CCDC57: variants seen among roughly 807,000 people sequenced by gnomAD.
CCDC57 encodes the protein coiled-coil domain containing 57, also known as coiled-coil domain-containing protein 57.
CCDC57 carries 118 observed loss-of-function variants against 118.9 expected under a neutral mutation model. That is an observed-to-expected ratio of 0.99 (90% CI 0.86 to 1.16). The LOEUF (loss-of-function observed/expected upper bound fraction) is 1.16, where lower values mean the gene tolerates loss of function less well. CCDC57 is among the 50% of genes most tolerant of loss of function. CCDC57 has a pLI of 0.00. For missense variants in CCDC57, 1,300 were observed against 1,320.7 expected (o/e 0.98, Z 0.24); for synonymous variants, 527 against 532.9 (o/e 0.99, Z 0.15).
chr17:82,205,111 C>A (rs1002228322), intron 2 of CCDC57, among the ~76,000 whole-genome samples: 1 of 151,688 alleles, frequency 6.6e-6, no homozygotes, highest in Non-Finnish European at 1.5e-5. Context: ...CCTGTGCACA[C>A]ACCTGTGCAC....
intron 1 of CCDC57, among the ~76,000 whole-genome samples, chr17:82,211,727 C>T (rs2050191402): frequency 6.6e-6 from 1 of 152,156 alleles, no homozygotes; most frequent in African/African-American, 2.4e-5. Context: ...TCTTCGCTTG[C>T]AGCCCCTTGT....
intron 11 of CCDC57, among the ~76,000 whole-genome samples, chr17:82,177,941 C>A (rs2045738278): frequency 1.3e-5 from 2 of 152,212 alleles, no homozygotes; most frequent in African/African-American, 4.8e-5. Context: ...GCCCTGCACC[C>A]CGCTTCCCTC....
intron 5 of CCDC57, 158 bp from the exon 5 acceptor site, chr17:82,194,297 G>A (rs1047018547): frequency 5.7e-6 from 4 of 697,756 alleles, no homozygotes; most frequent in Admixed American, 3.3e-5. Context: ...CAACTCAAAC[G>A]AGACTCAATG....
intron 18 of CCDC57, 91 bp downstream of exon 17, chr17:82,128,402 C>T: frequency 3.7e-6 from 3 of 815,264 alleles, no homozygotes; most frequent in Non-Finnish European, 3.9e-6. Flanking sequence ...AGAGCGAAGG[C>T]CCCTCCGAGA....
chr17:82,194,020 G>A lies in CCDC57; in HGVS notation c.738C>T (p.Ala246=), dbSNP rs752453992. The change falls in exon 6 of 20, where the codon GCC becomes GCT. Residue 246 remains alanine, a synonymous_variant. Coordinates refer to ENST00000665763, the Ensembl canonical transcript of CCDC57. Reference sequence around the variant, plus strand: ...TGGCCTCCAGGTCCTGGAGCTCCCCGGCTCGGCTCTGGAGCTTCCTCTCCA... The same window carrying A: ...TGGCCTCCAGGTCCTGGAGCTCCCCAGCTCGGCTCTGGAGCTTCCTCTCCA... 27 of 1,612,744 alleles carry A rather than the reference G, an allele frequency of 1.7e-5. No homozygotes were observed. In the East Asian group the frequency reaches 2.0e-4, roughly 12 times the overall value.
chr17:82,193,602 AAAG>A lies in CCDC57; in HGVS notation c.851+151_851+153del, dbSNP rs1183645829. ...AAGCAAGCAAGAAAGAAAGGAAGAA[AAAG>A]AAGGAGAAAGAAATCCAAAACAGCG... is the stretch of plus-strand genomic sequence containing the variant. On this transcript the variant is annotated intron_variant, in intron 7 of 19. Transcript: ENST00000665763. 1.8e-4 allele frequency among the ~76,000 whole-genome samples: 27 copies of A among 152,070 alleles called. No individual in the cohort carries two copies. In the East Asian group the frequency reaches 5.0e-3, roughly 28 times the overall value.
intron 7 of CCDC57, among the ~76,000 whole-genome samples, chr17:82,189,444 A>AC (rs1482023169): frequency 6.6e-6 from 1 of 152,204 alleles, no homozygotes; most frequent in East Asian, 1.9e-4. Flanking sequence ...TGGGACTGAG[A>AC]GAGTGAACAG....
At chr17:82,126,644 G>A (rs2037474833) in intron 19 of CCDC57, 26 of 985,296 alleles carry the variant, frequency 2.6e-5, no homozygotes, top group Non-Finnish European at 3.0e-5. Flanking sequence ...ACTGCTGCTG[G>A]GAGCAGCCTC....
chr17:82,195,337 T>C (rs1386271360), exon 5 of CCDC57: 11 of 1,598,810 alleles, frequency 6.9e-6, no homozygotes, highest in Non-Finnish European at 8.5e-6. Flanking sequence ...CTCTTCCGCA[T>C]TTTCGATTCA....
At chr17:82,108,212 C>T (rs1052552316) in intron 19 of CCDC57, among the ~76,000 whole-genome samples, 1 of 152,220 alleles carries the variant, frequency 6.6e-6, no homozygotes, top group Admixed American at 6.5e-5. Flanking sequence ...GACCTGCGGC[C>T]GCTCTGGCGC....
chr17:82,205,355 C>T (rs2049495514), intron 2 of CCDC57, among the ~76,000 whole-genome samples: 2 of 152,202 alleles, frequency 1.3e-5, no homozygotes, highest in Non-Finnish European at 2.9e-5. Flanking sequence ...TGGTCGCAGC[C>T]ACCCATGGGG....
chr17:82,163,050 C>G, intron 14 of CCDC57, 150 bp downstream of exon 13: 1 of 959,642 alleles, frequency 1.0e-6, no homozygotes, highest in Non-Finnish European at 1.6e-6. Context: ...GACCTCCCCA[C>G]AGCCCCTTCC....
intron 9 of CCDC57, among the ~76,000 whole-genome samples, chr17:82,180,028 A>G (rs1014651094): frequency 2.6e-4 from 39 of 152,076 alleles, no homozygotes; most frequent in African/African-American, 9.2e-4. Flanking sequence ...CGACACAGAG[A>G]TGGTGGCATG....
At chr17:82,107,083 G>A (rs1489483384) in intron 19 of CCDC57, among the ~76,000 whole-genome samples, 1 of 152,190 alleles carries the variant, frequency 6.6e-6, no homozygotes, top group East Asian at 1.9e-4. Context: ...CCTCCAGGGA[G>A]CCTGGCTCTG....
chr17:82,163,102 G>T, intron 14 of CCDC57, 98 bp downstream of exon 13: 2 of 1,468,308 alleles, frequency 1.4e-6, no homozygotes. Flanking sequence ...GATGCCCGAG[G>T]TCACCTGGGG....
At chr17:82,186,564 A>G (rs540550721) in intron 8 of CCDC57, among the ~76,000 whole-genome samples, 104 of 152,308 alleles carry the variant, frequency 6.8e-4, no homozygotes, top group African/African-American at 1.9e-3. Flanking sequence ...TGCTGAATCT[A>G]GAGAAACTAT....
intron 8 of CCDC57, among the ~76,000 whole-genome samples, chr17:82,187,068 C>T (rs1256543747): frequency 1.3e-5 from 2 of 151,684 alleles, no homozygotes; most frequent in Non-Finnish European, 2.9e-5. Context: ...GAAACCCCGT[C>T]TCTACTAAAA....
At chr17:82,200,575 G>A (rs1163750072) in intron 3 of CCDC57, among the ~76,000 whole-genome samples, 1 of 152,074 alleles carries the variant, frequency 6.6e-6, no homozygotes, top group African/African-American at 2.4e-5. Context: ...CCTGAGGTCA[G>A]GAGTTCAAGA....
At chr17:82,148,790 A>G (rs145700161) in intron 16 of CCDC57, among the ~76,000 whole-genome samples, 1,451 of 12,088 alleles carry the variant, frequency 0.12, no homozygotes, top group Middle Eastern at 0.17. Context: ...GTGGGTGGAT[A>G]GATGGTAGAT....
Sources: gnomAD v4.1 joint callset for allele counts (sites outside exome capture counted in the v4.1 genomes callset) on GRCh38, gnomAD v4.1.1 for gene constraint, MANE v1.5 for transcripts, NCBI Gene and HGNC (gene_info 2026-07-23, HGNC 2026-07-21) for gene names.